The following DCAF8L2 variants were observed in gnomAD, a reference collection of about 807,000 sequenced individuals.
DCAF8L2 encodes DDB1- and CUL4-associated factor 8-like protein 2.
For synonymous variants in DCAF8L2, 200 were observed against 190.9 expected, an observed-to-expected ratio of 1.05 and a Z score of -0.39; for missense variants, 430 against 490.7, an observed-to-expected ratio of 0.88 and a Z score of 1.17.
chrX:27,709,963 G>T (rs1382599081), intron 3 of DCAF8L2, among the ~76,000 whole-genome samples: 1 of 109,254 alleles, frequency 9.2e-6, no homozygotes, highest in African/African-American at 3.3e-5. Context: ...CTTTTTCTAG[G>T]TTTTTTTTAT....
intron 3 of DCAF8L2, among the ~76,000 whole-genome samples, chrX:27,715,114 C>T (rs748567981): frequency 9.1e-6 from 1 of 110,110 alleles, no homozygotes; most frequent in African/African-American, 3.3e-5. Flanking sequence ...GAGAGTAGGC[C>T]GGGCACGGTG....
the DCAF8L2 span, among the ~76,000 whole-genome samples, chrX:27,540,214 G>A: frequency 9.0e-6 from 1 of 111,482 alleles, no homozygotes; most frequent in Non-Finnish European, 1.9e-5. Context: ...TCTTACTTGA[G>A]TTGAAAAGTA....
chrX:27,540,021 T>C, the DCAF8L2 span, among the ~76,000 whole-genome samples: 1 of 110,660 alleles, frequency 9.0e-6, no homozygotes, highest in Non-Finnish European at 1.9e-5. Context: ...TAATCAGCTG[T>C]GCTACTAGGT....
chrX:27,734,394 G>A (rs1054913431), intron 4 of DCAF8L2, among the ~76,000 whole-genome samples: 3 of 110,683 alleles, frequency 2.7e-5, no homozygotes, highest in Non-Finnish European at 3.8e-5. Context: ...CTTCATGCCT[G>A]AGCATTGAGG....
the DCAF8L2 span, among the ~76,000 whole-genome samples, chrX:27,535,778 C>G: frequency 9.0e-6 from 1 of 111,637 alleles, no homozygotes; most frequent in Non-Finnish European, 1.9e-5. Flanking sequence ...TTACTGAGCT[C>G]ACGCAAGTAA....
chrX:27,679,541 T>G (rs984950800), intron 3 of DCAF8L2, among the ~76,000 whole-genome samples: 22 of 110,881 alleles, frequency 2.0e-4, no homozygotes, highest in South Asian at 3.9e-4. Flanking sequence ...GAGTAATAGA[T>G]TGCATCCAGT....
At chrX:27,598,345 A>AC (rs750658198) in intron 1 of DCAF8L2, among the ~76,000 whole-genome samples, 77 of 108,176 alleles carry the variant, frequency 7.1e-4, no homozygotes, top group Middle Eastern at 4.9e-3. Context: ...ATGTAATATA[A>AC]CCCCCCCCAC....
chrX:27,545,667 T>G, the DCAF8L2 span, among the ~76,000 whole-genome samples: 5 of 111,513 alleles, frequency 4.5e-5, no homozygotes, highest in Non-Finnish European at 9.4e-5. Flanking sequence ...ATTAGTCTGT[T>G]TTGACACTGC....
chrX:27,561,611 A>T, the DCAF8L2 span, among the ~76,000 whole-genome samples: 1 of 111,462 alleles, frequency 9.0e-6, no homozygotes, highest in Non-Finnish European at 1.9e-5. Context: ...ACCCTAAAAA[A>T]ACACTAATTA....
chrX:27,542,733 G>C, the DCAF8L2 span, among the ~76,000 whole-genome samples: 1 of 107,234 alleles, frequency 9.3e-6, no homozygotes, highest in Non-Finnish European at 1.9e-5. Context: ...TAGTAGAGAC[G>C]GGGTTTCACC....
intron 3 of DCAF8L2, among the ~76,000 whole-genome samples, chrX:27,711,453 C>T (rs1174635462): frequency 9.8e-6 from 1 of 102,116 alleles, no homozygotes; most frequent in African/African-American, 3.6e-5. Context: ...TGACTTTGTT[C>T]TTTAGAAGTG....
intron 4 of DCAF8L2, among the ~76,000 whole-genome samples, chrX:27,732,137 A>G (rs1921241981): frequency 8.9e-6 from 1 of 111,771 alleles, no homozygotes; most frequent in African/African-American, 3.3e-5. Context: ...CTTATTTGTG[A>G]TAAGAGCACC....
At chrX:27,701,567 T>C (rs1327055345) in intron 3 of DCAF8L2, among the ~76,000 whole-genome samples, 2 of 110,930 alleles carry the variant, frequency 1.8e-5, no homozygotes, top group East Asian at 5.6e-4. Context: ...CAGAAGGAAA[T>C]ATGAGAAATC....
chrX:27,700,027 AAAAAG>A (rs944280094), intron 3 of DCAF8L2, among the ~76,000 whole-genome samples: 9 of 110,816 alleles, frequency 8.1e-5, no homozygotes, highest in South Asian at 3.9e-4. Context: ...AGACTGTCCA[AAAAAG>A]AAAAGAAAAG....
chrX:27,535,368 T>A, the DCAF8L2 span, among the ~76,000 whole-genome samples: 1 of 111,718 alleles, frequency 9.0e-6, no homozygotes, highest in Non-Finnish European at 1.9e-5. Flanking sequence ...AATTAAATCA[T>A]CTCTTATCAC....
At chrX:27,554,432 A>G in the DCAF8L2 span, among the ~76,000 whole-genome samples, 1 of 112,346 alleles carries the variant, frequency 8.9e-6, no homozygotes, top group Non-Finnish European at 1.9e-5. Context: ...TGACTCATTT[A>G]CTAAGTGACA....
intron 3 of DCAF8L2, among the ~76,000 whole-genome samples, chrX:27,705,904 A>G (rs1248695878): frequency 1.8e-5 from 2 of 111,823 alleles, no homozygotes; most frequent in Admixed American, 1.9e-4. Context: ...GGCATTTTCC[A>G]GAGTTTTCAC....
At chrX:27,621,982 A>T (rs764878526) in intron 1 of DCAF8L2, among the ~76,000 whole-genome samples, 1 of 109,561 alleles carries the variant, frequency 9.1e-6, no homozygotes, top group Non-Finnish European at 1.9e-5. Context: ...ATAGAGTAAG[A>T]CCTTATCTCA....
chrX:27,647,042 A>G (rs757492535), intron 2 of DCAF8L2, among the ~76,000 whole-genome samples: 34 of 112,170 alleles, frequency 3.0e-4, no homozygotes, highest in African/African-American at 9.7e-4. Flanking sequence ...CATTTTACCC[A>G]GCAATTCTAT....
Sources: allele counts gnomAD v4.1 joint callset (sites outside exome capture counted in the v4.1 genomes callset), GRCh38; gene constraint gnomAD v4.1.1; transcripts MANE v1.5; gene names NCBI Gene and HGNC (gene_info 2026-07-23, HGNC 2026-07-21).